Variants in TNKS1BP1 observed in about 807,000 individuals in gnomAD.
The protein encoded by TNKS1BP1 is CCR4-NOT transcription complex subunit 12.
Under a neutral mutation model 141.1 loss-of-function variants are expected in TNKS1BP1, and 48 were observed. The observed-to-expected ratio is 0.34, with a 90% CI of 0.27 to 0.43. The LOEUF (loss-of-function observed/expected upper bound fraction) is 0.43. Among genes scored for constraint, TNKS1BP1 ranks in the 20% least tolerant of loss-of-function variants. TNKS1BP1 has a pLI of 1.00. For synonymous variants in TNKS1BP1, 875 were observed against 898.2 expected, an observed-to-expected ratio of 0.97 and a Z score of 0.46; for missense variants, 2,149 against 2,226.0, an observed-to-expected ratio of 0.97 and a Z score of 0.70.
chr11:57,302,705 C>T lies in TNKS1BP1; in HGVS notation c.4437G>A (p.Gly1479=), dbSNP rs553627122. ...ARRESAASGL[G]GLLEEEGAGA... ...CGGCTCCTTCCTCCTCCAACAGGCC[C>T]CCAAGGCCCGAGGCCGCTGACTCCC... The change falls in exon 7 of 12, where the codon GGG becomes GGA. Residue 1479 remains glycine (G), a synonymous_variant. Coordinates refer to ENST00000358252, the MANE Select transcript of TNKS1BP1 (RefSeq NM_033396.3). This position sits in a 1 kb window ranked among gnomAD's most constrained non-coding sequence, Gnocchi z 5.5. 12 of 1,603,816 alleles carry T rather than the reference C, an allele frequency of 7.5e-6. No individual in the cohort carries two copies. In the East Asian group the frequency reaches 1.8e-4, roughly 24 times the overall value.
At chr11:57,304,577 A>C (rs1301861253) in intron 6 of TNKS1BP1, among the ~76,000 whole-genome samples, 1 of 152,212 alleles carries the variant, frequency 6.6e-6, no homozygotes, top group African/African-American at 2.4e-5. Flanking sequence ...AGGCCCCATG[A>C]GCTAAAGAGA....
At chr11:57,308,259 G>C in intron 6 of TNKS1BP1, 136 bp downstream of exon 6, 2 of 1,268,420 alleles carry the variant, frequency 1.6e-6, no homozygotes, top group Admixed American at 2.4e-5. Flanking sequence ...AAAATTCTTA[G>C]TCCAAAATGT....
In TNKS1BP1 at chr11:57,310,391, A is replaced by G. The variant is rs1424889854; in HGVS notation, c.2320T>C (p.Trp774Arg). The change falls in exon 6 of 12, where the codon TGG becomes CGG. Residue 774 changes from tryptophan (W) to arginine (R), a missense_variant. Coordinates refer to ENST00000358252, the MANE Select transcript of TNKS1BP1 (RefSeq NM_033396.3). ...GCTCCTTGCCCATACTTGCTGGTCC[A>G]GTCCCTCTCTCCGAGACCTGGGTCT... is the stretch of plus-strand genomic sequence containing the variant. ...RGDPGLGERD[W>R]TSKYGQGAGE... is the part of the protein sequence containing the mutation. 15 of 1,613,916 alleles carry G rather than the reference A, an allele frequency of 9.3e-6. No individual in the cohort carries two copies. Among genetic ancestry groups the G allele is most frequent in the Non-Finnish European group, 1.2e-5 (14 of 1,180,020 alleles).
chr11:57,321,475 T>G (rs1454072741), intron 2 of TNKS1BP1, among the ~76,000 whole-genome samples: 2 of 152,198 alleles, frequency 1.3e-5, no homozygotes, highest in East Asian at 3.8e-4. Flanking sequence ...AGGTCTGGGT[T>G]CAAACTCCCA....
rs199806060 is a variant in TNKS1BP1, at chr11:57,313,691, C to A, written c.997G>T (p.Ala333Ser). ...PEASQASPCP[A>S]VTPSAPSAAL... ...GCACTTGGAGCTGATGGAGTCACAGCGGGGCAGGGAGAAGCCTGGGAAGCT... is the reference window on the plus strand; with the variant it reads ...GCACTTGGAGCTGATGGAGTCACAGAGGGGCAGGGAGAAGCCTGGGAAGCT... The change falls in exon 5 of 12, where the codon GCT becomes TCT. Residue 333 changes from alanine (A) to serine (S), a missense_variant. Physicochemically the swap from Ala to Ser is moderately conservative, Grantham distance 99. Coordinates refer to ENST00000358252, the MANE Select transcript of TNKS1BP1 (RefSeq NM_033396.3). 3.8e-6 allele frequency: 6 copies of A among 1,576,568 alleles called. No individual in the cohort carries two copies. In the African/African-American group the frequency reaches 6.7e-5, roughly 18 times the overall value.
At chr11:57,305,503 G>T (rs1337141918) in intron 6 of TNKS1BP1, among the ~76,000 whole-genome samples, 1 of 152,162 alleles carries the variant, frequency 6.6e-6, no homozygotes, top group East Asian at 1.9e-4. Context: ...TGCTCCAGAG[G>T]CAAACATGGC....
Position 57,299,687 on chromosome 11 carries a change from G to C in TNKS1BP1, c.*407C>G, listed in dbSNP as rs1413811829. 1 of 153,218 alleles carries C rather than the reference G, an allele frequency of 6.5e-6. No homozygotes were observed. Among genetic ancestry groups the C allele is most frequent in the East Asian group, 1.9e-4 (1 of 5,194 alleles). 9.5% of individuals were successfully genotyped at this position (153,218 alleles called of 1,614,324 possible). A position where few individuals can be genotyped will look rare whatever the true frequency, so the allele number is the denominator to read the frequency against. ...TTGTTTCAAGTGGCAAAATGTCATT[G>C]GTCTCTGTGGGGTACCTGGCGGGGC... On this transcript the variant is annotated 3_prime_UTR_variant, in exon 12 of 12. Transcript: ENST00000358252.
chr11:57,321,962 G>A lies in TNKS1BP1; in HGVS notation c.-65-12C>T, dbSNP rs1426242325. ...GGGTGGCTGCAGACCTAGGAAAAGA[G>A]AGAGAAGAGAAGGAAAAAAAGAGTT... is the stretch of plus-strand genomic sequence containing the variant. On this transcript the variant is annotated splice_polypyrimidine_tract_variant and intron_variant, in intron 1 of 11. Transcript: ENST00000358252. The A allele has an allele frequency of 4.5e-6, 7 of 1,562,692 alleles. No homozygotes were observed. Among genetic ancestry groups the A allele is most frequent in the Non-Finnish European group, 4.3e-6 (5 of 1,155,592 alleles).
In TNKS1BP1 at chr11:57,321,958, AAGAG is replaced by A; in HGVS notation, c.-65-12_-65-9del. On this transcript the variant is annotated splice_polypyrimidine_tract_variant and intron_variant, in intron 1 of 11. Transcript: ENST00000358252. Reference sequence around the variant, plus strand: ...GCTGGGGTGGCTGCAGACCTAGGAAAAGAGAGAGAAGAGAAGGAAAAAAAGAGTT... The same window carrying A: ...GCTGGGGTGGCTGCAGACCTAGGAAAAGAGAAGAGAAGGAAAAAAAGAGTT... The A allele has an allele frequency of 6.4e-7, 1 of 1,569,946 alleles. No individual in the cohort carries two copies. The highest frequency in any genetic ancestry group is 1.2e-5 in the South Asian group (1 of 84,854).
At chr11:57,306,094 A>G (rs774673334) in intron 6 of TNKS1BP1, among the ~76,000 whole-genome samples, 1 of 152,162 alleles carries the variant, frequency 6.6e-6, no homozygotes, top group East Asian at 1.9e-4. Flanking sequence ...CCTGGCCAAC[A>G]TGGTGAAACC....
Position 57,310,187 on chromosome 11 carries a change from G to A in TNKS1BP1, c.2524C>T (p.Gln842Ter). 1 of 1,614,186 alleles carries A rather than the reference G, an allele frequency of 6.2e-7. No homozygotes were observed. The highest frequency in any genetic ancestry group is 8.5e-7 in the Non-Finnish European group (1 of 1,180,038). The change falls in exon 6 of 12, where the codon CAG (glutamine) becomes TAG (stop). Residue 842 changes from glutamine (Q) to a stop codon, truncating the protein, a stop_gained. Transcript: ENST00000358252. LOFTEE classifies it high-confidence loss of function. ...TCCCTCTTTCTGAACTCCCAGTCCT[G>A]AACATCTGCCTCCTGGCTCCGCTGA... ...GTQRSQEADV[Q>*]DWEFRKRDSQ...
chr11:57,316,216 G>C (rs1855797211), intron 4 of TNKS1BP1, among the ~76,000 whole-genome samples: 1 of 152,058 alleles, frequency 6.6e-6, no homozygotes, highest in Admixed American at 6.5e-5. Context: ...ACAGCTGATG[G>C]CGCCCTCCCC....
intron 6 of TNKS1BP1, chr11:57,303,202 T>G: frequency 5.5e-6 from 1 of 181,606 alleles, no homozygotes. Flanking sequence ...TAGCAATGTG[T>G]TCCCTCCCAG....
rs1367921103 is a variant in TNKS1BP1 at position 57,302,710 on chromosome 11, G to A, written c.4432C>T (p.Leu1478Phe). 1 of 1,601,222 alleles carries A rather than the reference G, an allele frequency of 6.2e-7. No individual in the cohort carries two copies. Among genetic ancestry groups the A allele is most frequent in the Non-Finnish European group, 8.5e-7 (1 of 1,176,894 alleles). The change falls in exon 7 of 12, where the codon CTT (leucine) becomes TTT (phenylalanine). Residue 1478 changes from leucine (L) to phenylalanine (F), a missense_variant. Physicochemically the swap from Leu to Phe is conservative, Grantham distance 22. Transcript: ENST00000358252. This position sits in a 1 kb window ranked among gnomAD's most constrained non-coding sequence, Gnocchi z 5.5. Reference sequence around the variant, plus strand: ...CCTTCCTCCTCCAACAGGCCCCCAAGGCCCGAGGCCGCTGACTCCCTCCGA... The same window carrying A: ...CCTTCCTCCTCCAACAGGCCCCCAAAGCCCGAGGCCGCTGACTCCCTCCGA... ...VARRESAASG[L>F]GGLLEEEGAG...
rs1395148043 is a variant in TNKS1BP1 at position 57,299,688 on chromosome 11, G to T, written c.*406C>A. The T allele has an allele frequency of 6.5e-6, 1 of 153,278 alleles. No individual in the cohort carries two copies. The highest frequency in any genetic ancestry group is 1.5e-5 in the Non-Finnish European group (1 of 68,060). 9.5% of individuals were successfully genotyped at this position (153,278 alleles called of 1,614,324 possible). ...TGTTTCAAGTGGCAAAATGTCATTGGTCTCTGTGGGGTACCTGGCGGGGCA... is the reference window on the plus strand; with the variant it reads ...TGTTTCAAGTGGCAAAATGTCATTGTTCTCTGTGGGGTACCTGGCGGGGCA... On this transcript the variant is annotated 3_prime_UTR_variant, in exon 12 of 12. Transcript: ENST00000358252.
chr11:57,320,379 C>G lies in TNKS1BP1; in HGVS notation c.428G>C (p.Arg143Pro), dbSNP rs762055043. 1 of 1,613,964 alleles carries G rather than the reference C, an allele frequency of 6.2e-7. No individual in the cohort carries two copies. Among genetic ancestry groups the G allele is most frequent in the Non-Finnish European group, 8.5e-7 (1 of 1,179,948 alleles). ...PARCAAPGGVRKAPAPFRPAS... is the reference protein window; with the variant it reads ...PARCAAPGGVPKAPAPFRPAS... ...TGGGCGGAAAGGGGCAGGGGCCTTCCGTACACCCCCTGGGGCTGCACATCG... is the reference window on the plus strand; with the variant it reads ...TGGGCGGAAAGGGGCAGGGGCCTTCGGTACACCCCCTGGGGCTGCACATCG... The change falls in exon 3 of 12, where the codon CGG (arginine) becomes CCG (proline). Residue 143 changes from arginine (R) to proline (P), a missense_variant. Transcript: ENST00000358252.
At position 57,308,498 on chromosome 11, in the gene TNKS1BP1, T is replaced by C. The variant is rs763267362; in HGVS notation, c.4213A>G (p.Ser1405Gly). 6 of 1,614,034 alleles carry C rather than the reference T, an allele frequency of 3.7e-6. No homozygotes were observed. The Admixed American group carries it at 1.0e-4, about 27-fold the overall frequency. ...TCTTCACCCTGGGTCTCTGGCCCAC[T>C]TGTCTCACCAACCCCCAGCTCCCTG... is the stretch of plus-strand genomic sequence containing the variant. ...EARELGVGET[S>G]GPETQGEDYS... The change falls in exon 6 of 12, where the codon AGT (serine) becomes GGT (glycine). Residue 1405 changes from serine to glycine, a missense_variant. Ser to Gly is a moderately conservative substitution (Grantham distance 56). Transcript: ENST00000358252.
rs1182755403 is a variant in TNKS1BP1 at position 57,313,531 on chromosome 11, G to A, written c.1157C>T (p.Thr386Ile). 30 of 1,571,614 alleles carry A rather than the reference G, an allele frequency of 1.9e-5. No individual in the cohort carries two copies. Among genetic ancestry groups the A allele is most frequent in the Non-Finnish European group, 2.6e-5 (30 of 1,158,150 alleles). ...EPHSLDQPPA[T>I]SPRPLIEVGE... Reference sequence around the variant, plus strand: ...CACCTCGATCAGGGGCCGGGGTGAGGTGGCAGGGGGCTGATCCAGGCTATG... The same window carrying A: ...CACCTCGATCAGGGGCCGGGGTGAGATGGCAGGGGGCTGATCCAGGCTATG... The change falls in exon 5 of 12, where the codon ACC becomes ATC. Residue 386 changes from threonine (T) to isoleucine (I), a missense_variant. By Grantham distance (89) the Thr-to-Ile change is moderately conservative. Transcript: ENST00000358252.
chr11:57,308,363 T>C (rs964458719), intron 6 of TNKS1BP1, 32 bp downstream of exon 6: 1 of 1,585,608 alleles, frequency 6.3e-7, no homozygotes, highest in Non-Finnish European at 8.6e-7. Context: ...ACATGTTCCC[T>C]CCCACACTTG....
Sources: allele counts gnomAD v4.1 joint callset (sites outside exome capture counted in the v4.1 genomes callset), GRCh38; gene constraint gnomAD v4.1.1; non-coding constraint Gnocchi (gnomAD v3.1); transcripts MANE v1.5; gene names NCBI Gene and HGNC (gene_info 2026-07-23, HGNC 2026-07-21).